SNTB2: variants seen among roughly 807,000 people sequenced by gnomAD.
SNTB2 encodes the protein beta-2-syntrophin.
SNTB2 carries 34 observed loss-of-function variants against 46.2 expected under a neutral mutation model. That is an observed-to-expected ratio of 0.74 (90% CI 0.56 to 0.98). The LOEUF is 0.98. Ranked by LOEUF, SNTB2 falls within the 50% of genes least tolerant of loss-of-function variation. SNTB2 has a pLI of 0.00. For missense variants in SNTB2, 603 were observed against 731.4 expected (o/e 0.82, Z 2.02); for synonymous variants, 290 against 312.6 (o/e 0.93, Z 0.76).
chr16:69,279,490 T>A (rs1164344061), intron 4 of SNTB2, among the ~76,000 whole-genome samples: 1 of 149,806 alleles, frequency 6.7e-6, no homozygotes, highest in African/African-American at 2.5e-5. Context: ...CTTTTGGATA[T>A]ATACCAAGAA....
chr16:69,285,175 G>A (rs1438480380), intron 5 of SNTB2, among the ~76,000 whole-genome samples: 2 of 152,086 alleles, frequency 1.3e-5, no homozygotes, highest in Non-Finnish European at 2.9e-5. Flanking sequence ...CTGTTTTAAA[G>A]TAAAACTATT....
chr16:69,222,327 T>C (rs1964412952), intron 1 of SNTB2, among the ~76,000 whole-genome samples: 2 of 152,164 alleles, frequency 1.3e-5, no homozygotes, highest in Admixed American at 1.3e-4. Context: ...GTGCGGTGAC[T>C]CATGCCTGGA....
At chr16:69,198,714 C>G (rs1964130897) in intron 1 of SNTB2, among the ~76,000 whole-genome samples, 1 of 152,098 alleles carries the variant, frequency 6.6e-6, no homozygotes. Context: ...TGGCTGTTAA[C>G]TTTGTGTGAC....
chr16:69,193,495 AT>A (rs1157320329), intron 1 of SNTB2, among the ~76,000 whole-genome samples: 2 of 151,318 alleles, frequency 1.3e-5, no homozygotes, highest in Non-Finnish European at 2.9e-5. Context: ...TGCCTGGCTA[AT>A]TTTTGTATTT....
At chr16:69,295,703 T>C (rs867615135) in intron 5 of SNTB2, among the ~76,000 whole-genome samples, 4 of 148,714 alleles carry the variant, frequency 2.7e-5, no homozygotes, top group Non-Finnish European at 5.9e-5. Flanking sequence ...AAAGGGCCAC[T>C]CCTCTTACTA....
chr16:69,261,409 G>GGT (rs1479548503), intron 3 of SNTB2, among the ~76,000 whole-genome samples: 1 of 151,442 alleles, frequency 6.6e-6, no homozygotes, highest in Non-Finnish European at 1.5e-5. Context: ...TGGTGATCTT[G>GGT]GTGGTACCAA....
At chr16:69,285,052 C>T (rs1233721015) in intron 5 of SNTB2, among the ~76,000 whole-genome samples, 1 of 152,188 alleles carries the variant, frequency 6.6e-6, no homozygotes, top group East Asian at 1.9e-4. Context: ...GCCATGTAGG[C>T]TTATGTAAGT....
At chr16:69,290,616 T>G (rs925613655) in intron 5 of SNTB2, among the ~76,000 whole-genome samples, 1 of 152,216 alleles carries the variant, frequency 6.6e-6, no homozygotes, top group African/African-American at 2.4e-5. Context: ...TATTTTTCAG[T>G]ATATACTCTG....
chr16:69,207,552 G>T (rs1281710457), intron 1 of SNTB2, among the ~76,000 whole-genome samples: 1 of 152,178 alleles, frequency 6.6e-6, no homozygotes, highest in East Asian at 1.9e-4. Flanking sequence ...AATTGACATT[G>T]TCGAGATTCA....
At chr16:69,220,154 AT>A (rs889068336) in intron 1 of SNTB2, among the ~76,000 whole-genome samples, 1,758 of 97,522 alleles carry the variant, frequency 0.018, 16 homozygotes, top group African/African-American at 0.068. Context: ...AGAAAGTCAG[AT>A]TTTTTTTTTT....
chr16:69,211,278 C>G (rs1428855244), intron 1 of SNTB2, among the ~76,000 whole-genome samples: 1 of 151,720 alleles, frequency 6.6e-6, no homozygotes, highest in Non-Finnish European at 1.5e-5. Context: ...AATTTCATGC[C>G]CAGTACTTTT....
intron 1 of SNTB2, among the ~76,000 whole-genome samples, chr16:69,227,091 C>T (rs77390176): frequency 0.023 from 3,508 of 152,282 alleles, 139 homozygotes; most frequent in African/African-American, 0.08. Context: ...TTTATTCAAA[C>T]AGTTGCAAGA....
At chr16:69,279,182 C>A (rs1965012934) in intron 4 of SNTB2, among the ~76,000 whole-genome samples, 1 of 152,074 alleles carries the variant, frequency 6.6e-6, no homozygotes, top group African/African-American at 2.4e-5. Context: ...TCCATCTCTC[C>A]CTCAATCCCT....
intron 1 of SNTB2, among the ~76,000 whole-genome samples, chr16:69,226,414 A>G (rs560175576): frequency 6.6e-6 from 1 of 151,860 alleles, no homozygotes; most frequent in Admixed American, 6.6e-5. Context: ...TTTGTTTCCT[A>G]TCATATGTGC....
chr16:69,233,409 A>G (rs951165845), intron 1 of SNTB2, among the ~76,000 whole-genome samples: 1 of 152,142 alleles, frequency 6.6e-6, no homozygotes, highest in Non-Finnish European at 1.5e-5. Context: ...AAATAATAAT[A>G]TCCTGCATTT....
intron 1 of SNTB2, among the ~76,000 whole-genome samples, chr16:69,229,794 A>T (rs1224649897): frequency 6.9e-6 from 1 of 145,914 alleles, no homozygotes; most frequent in Non-Finnish European, 1.5e-5. Context: ...GTGAGCCAAG[A>T]TCATGCCACT....
At chr16:69,266,240 T>C (rs1192944025) in intron 3 of SNTB2, among the ~76,000 whole-genome samples, 2 of 152,136 alleles carry the variant, frequency 1.3e-5, no homozygotes, top group Non-Finnish European at 2.9e-5. Flanking sequence ...GGCGGACGCC[T>C]GTAATCCCGG....
At chr16:69,206,295 C>T (rs1025206057) in intron 1 of SNTB2, among the ~76,000 whole-genome samples, 8 of 152,160 alleles carry the variant, frequency 5.3e-5, no homozygotes, top group Non-Finnish European at 8.8e-5. Flanking sequence ...TCACTGTTCC[C>T]TGCCTCCTTC....
chr16:69,224,913 G>C (rs1341062032), intron 1 of SNTB2, among the ~76,000 whole-genome samples: 1 of 152,134 alleles, frequency 6.6e-6, no homozygotes, highest in East Asian at 1.9e-4. Flanking sequence ...TATGTGGGTT[G>C]ACCAGTGTCA....
Sources: gnomAD v4.1 joint callset for allele counts (sites outside exome capture counted in the v4.1 genomes callset) on GRCh38, gnomAD v4.1.1 for gene constraint, MANE v1.5 for transcripts, NCBI Gene and HGNC (gene_info 2026-07-23, HGNC 2026-07-21) for gene names.